Variants in LCLAT1 observed in about 807,000 individuals in gnomAD.
The protein encoded by LCLAT1 is 1-AGP acyltransferase 8.
In LCLAT1, 11 loss-of-function variants were observed where a neutral mutation model predicts 30.7. The ratio of observed to expected loss-of-function variants is 0.36; its 90% CI spans 0.23 to 0.59. The LOEUF is 0.59. Ranked by LOEUF, LCLAT1 falls within the 20% of genes least tolerant of loss-of-function variation. The pLI is 0.77. For synonymous variants in LCLAT1, 155 were observed against 151.3 expected, an observed-to-expected ratio of 1.02 and a Z score of -0.18; for missense variants, 402 against 458.6, an observed-to-expected ratio of 0.88 and a Z score of 1.13.
At chr2:30,635,361 A>G (rs943490872) in intron 5 of LCLAT1, among the ~76,000 whole-genome samples, 7 of 151,952 alleles carry the variant, frequency 4.6e-5, no homozygotes, top group African/African-American at 1.5e-4. Flanking sequence ...TCGAGTCTCT[A>G]TGATGCTTAA....
At chr2:30,473,368 C>G (rs1164793693) in intron 1 of LCLAT1, among the ~76,000 whole-genome samples, 8 of 152,074 alleles carry the variant, frequency 5.3e-5, no homozygotes, top group African/African-American at 1.9e-4. Context: ...AAGTTAGTGT[C>G]CTTGGGATAA....
intron 3 of LCLAT1, among the ~76,000 whole-genome samples, 195 bp downstream of exon 3, chr2:30,533,509 C>G (rs1686082439): frequency 6.6e-6 from 1 of 152,066 alleles, no homozygotes; most frequent in African/African-American, 2.4e-5. Flanking sequence ...AAATATTACT[C>G]TGAAAGAGAA....
intron 1 of LCLAT1, among the ~76,000 whole-genome samples, chr2:30,493,194 A>T (rs1238923307): frequency 6.6e-6 from 1 of 152,250 alleles, no homozygotes; most frequent in Admixed American, 6.5e-5. Context: ...TTGTGAGCAG[A>T]GACTTAAAGT....
intron 1 of LCLAT1, among the ~76,000 whole-genome samples, chr2:30,478,556 A>G (rs1241881800): frequency 6.6e-6 from 1 of 152,112 alleles, no homozygotes; most frequent in Non-Finnish European, 1.5e-5. Context: ...GTGTGTGCCT[A>G]TAGTCCTAGT....
chr2:30,573,540 A>G (rs1665874352), intron 5 of LCLAT1, among the ~76,000 whole-genome samples: 1 of 152,080 alleles, frequency 6.6e-6, no homozygotes, highest in South Asian at 2.1e-4. Flanking sequence ...CCCTAGTTGT[A>G]CCATTTGTTC....
At chr2:30,458,376 A>G (rs1644024309) in intron 1 of LCLAT1, among the ~76,000 whole-genome samples, 1 of 152,200 alleles carries the variant, frequency 6.6e-6, no homozygotes. Flanking sequence ...GGATCTTGAT[A>G]GACAGAAGGC....
intron 5 of LCLAT1, among the ~76,000 whole-genome samples, chr2:30,605,115 C>T (rs192336211): frequency 6.6e-6 from 1 of 152,288 alleles, no homozygotes; most frequent in Non-Finnish European, 1.5e-5. Context: ...TAGGACAGTG[C>T]TTTAGAAAAA....
chr2:30,518,177 A>G (rs1187807355), intron 1 of LCLAT1, among the ~76,000 whole-genome samples: 1 of 152,252 alleles, frequency 6.6e-6, no homozygotes, highest in Non-Finnish European at 1.5e-5. Flanking sequence ...TGTTCTTTAG[A>G]AAAAGATGAT....
At chr2:30,526,937 T>C (rs891030206) in intron 2 of LCLAT1, among the ~76,000 whole-genome samples, 1 of 152,200 alleles carries the variant, frequency 6.6e-6, no homozygotes, top group African/African-American at 2.4e-5. Flanking sequence ...GCTTTAAAGA[T>C]ATGAAGCCCA....
chr2:30,476,480 G>A (rs113159915), intron 1 of LCLAT1: 16,915 of 456,518 alleles, frequency 0.037, 426 homozygotes, highest in Non-Finnish European at 0.051. Flanking sequence ...TTACAGGAAC[G>A]CAGGCCCTAT....
intron 3 of LCLAT1, among the ~76,000 whole-genome samples, chr2:30,542,121 T>C (rs1312743353): frequency 6.6e-6 from 1 of 152,172 alleles, no homozygotes; most frequent in East Asian, 1.9e-4. Flanking sequence ...GGATATAGGC[T>C]CTTTATAGAT....
chr2:30,489,520 T>G (rs1417155217), intron 1 of LCLAT1, among the ~76,000 whole-genome samples: 3 of 152,076 alleles, frequency 2.0e-5, no homozygotes, highest in African/African-American at 4.8e-5. Context: ...GCCCAGCTGA[T>G]TTTTTGTATT....
intron 1 of LCLAT1, among the ~76,000 whole-genome samples, chr2:30,460,768 C>T (rs1454792667): frequency 6.6e-6 from 1 of 152,148 alleles, no homozygotes; most frequent in Non-Finnish European, 1.5e-5. Context: ...CTTTTAGCCC[C>T]ATCCCCTGGT....
chr2:30,608,394 G>A (rs1196479858), intron 5 of LCLAT1, among the ~76,000 whole-genome samples: 2 of 151,744 alleles, frequency 1.3e-5, no homozygotes, highest in Non-Finnish European at 2.9e-5. Context: ...TAAATTTAGT[G>A]TAGCCTAAGT....
At chr2:30,574,447 C>T (rs1373627296) in intron 5 of LCLAT1, among the ~76,000 whole-genome samples, 1 of 152,162 alleles carries the variant, frequency 6.6e-6, no homozygotes. Context: ...GCACATTGTA[C>T]ATTTCATGAC....
Position 30,640,900 on chromosome 2 carries a change from G to A in LCLAT1, c.*281G>A. On this transcript the variant is annotated 3_prime_UTR_variant, in exon 6 of 6. Transcript: ENST00000379509. The stretch of plus-strand genomic sequence containing the variant: ...CAATCATCAGGCTTTTAGCGACAAG[G>A]AACACACACATTTTTCTTAAAGGCC... 1 of 325,918 alleles carries A rather than the reference G, an allele frequency of 3.1e-6. No homozygotes were observed. Among genetic ancestry groups the A allele is most frequent in the Non-Finnish European group, 5.7e-6 (1 of 176,396 alleles). The allele number at this position is 325,918 out of a possible 1,614,324, so 20.2% of individuals were successfully genotyped here. A position where few individuals can be genotyped will look rare whatever the true frequency, so the allele number is the denominator to read the frequency against.
At chr2:30,502,839 G>A (rs544178457) in intron 1 of LCLAT1, among the ~76,000 whole-genome samples, 6 of 152,244 alleles carry the variant, frequency 3.9e-5, no homozygotes, top group Non-Finnish European at 5.9e-5. Flanking sequence ...GGACAGGTGA[G>A]CCCCCAAATT....
intron 1 of LCLAT1, among the ~76,000 whole-genome samples, chr2:30,522,166 T>C (rs1448468464): frequency 6.6e-6 from 1 of 152,182 alleles, no homozygotes; most frequent in African/African-American, 2.4e-5. Flanking sequence ...TAATTACGTA[T>C]AGGTTTTTGT....
intron 1 of LCLAT1, among the ~76,000 whole-genome samples, chr2:30,483,358 A>G (rs759650851): frequency 5.3e-5 from 8 of 152,172 alleles, no homozygotes; most frequent in Non-Finnish European, 1.0e-4. Flanking sequence ...AAACTACTCC[A>G]AAGTAAAAAA....
Sources: gnomAD v4.1 joint callset for allele counts (sites outside exome capture counted in the v4.1 genomes callset) on GRCh38, gnomAD v4.1.1 for gene constraint, MANE v1.5 for transcripts, NCBI Gene and HGNC (gene_info 2026-07-23, HGNC 2026-07-21) for gene names.